Variants in INSR observed in about 807,000 individuals in gnomAD.
INSR encodes the protein insulin receptor, also known as IR.
INSR carries 67 observed loss-of-function variants against 142.6 expected under a neutral mutation model. The ratio of observed to expected loss-of-function variants is 0.47; its 90% CI spans 0.39 to 0.58. The LOEUF (loss-of-function observed/expected upper bound fraction) is 0.58. INSR is among the 20% of genes least tolerant of loss of function. The probability of loss-of-function intolerance (pLI) is 0.00; values close to 1 mark genes in which losing one functional copy is unlikely to be tolerated. For synonymous variants in INSR, 756 were observed against 743.1 expected (o/e 1.02, Z -0.28); for missense variants, 1,248 against 1,833.2 (o/e 0.68, Z 5.83).
chr19:7,221,378 A>AAGGAGGAGGAGGAGGAGGAGG (rs71177175), intron 2 of INSR, among the ~76,000 whole-genome samples: 14 of 140,056 alleles, frequency 1.0e-4, no homozygotes, highest in Non-Finnish European at 1.8e-4. Flanking sequence ...TGTCAAAAAA[A>AAGGAGGAGGAGGAGGAGGAGG]AGGAGGAGGA....
chr19:7,268,753 T>C, intron 1 of INSR: 3 of 290,098 alleles, frequency 1.0e-5, no homozygotes, highest in Non-Finnish European at 1.5e-5. Context: ...TTGTTCTTCT[T>C]GCTGTTGTTT....
chr19:7,187,810 G>A (rs1017218999), intron 2 of INSR, among the ~76,000 whole-genome samples: 2 of 151,946 alleles, frequency 1.3e-5, no homozygotes, highest in Admixed American at 6.6e-5. Context: ...TGGCTCAAGC[G>A]ATCCTCCCAC....
chr19:7,293,877 G>A lies in INSR; in HGVS notation c.15C>T (p.Gly5=). 2 of 1,235,720 alleles carry A rather than the reference G, an allele frequency of 1.6e-6. No individual in the cohort carries two copies. Among genetic ancestry groups the A allele is most frequent in the Non-Finnish European group, 2.0e-6 (2 of 995,332 alleles). The allele number at this position is 1,235,720 out of a possible 1,614,324, so 76.5% of individuals were successfully genotyped here. A position where few individuals can be genotyped will look rare whatever the true frequency, so the allele number is the denominator to read the frequency against. The part of the protein sequence containing the change: MATG[G]RRGAAAAPLL... ...GCGGCGCGGCCGCCGCCCCCCGCCGGCCCCCGGTGGCCATGGCTGCGGGAG... is the reference window on the plus strand; with the variant it reads ...GCGGCGCGGCCGCCGCCCCCCGCCGACCCCCGGTGGCCATGGCTGCGGGAG... Residue 5 remains glycine (G), a synonymous_variant, in exon 1 of 22, where the codon GGC becomes GGT. Coordinates refer to ENST00000302850, the MANE Select transcript of INSR (RefSeq NM_000208.4).
intron 2 of INSR, among the ~76,000 whole-genome samples, chr19:7,222,031 T>A (rs200630844): frequency 7.8e-6 from 1 of 127,702 alleles, no homozygotes; most frequent in Non-Finnish European, 1.7e-5. Flanking sequence ...CTCCTAGCAA[T>A]TTTTTCATTT....
At position 7,216,072 on chromosome 19, in the gene INSR, C is replaced by G. The variant is rs1361751967; in HGVS notation, c.653-31435G>C. 6.6e-6 allele frequency among the ~76,000 whole-genome samples: 1 copy of G among 151,378 alleles called. No individual in the cohort carries two copies. The highest frequency in any genetic ancestry group is 1.5e-5 in the Non-Finnish European group (1 of 67,890). ...GCACGGTGGCTCACGCCTATAATCC[C>G]AGCACTTTGGGAGGCCAAGGTGAGT... On this transcript the variant is annotated intron_variant, in intron 2 of 21. Coordinates refer to ENST00000302850, the MANE Select transcript of INSR (RefSeq NM_000208.4). The surrounding 1 kb of genome is among the most constrained non-coding windows in gnomAD (Gnocchi z 4.2).
intron 2 of INSR, among the ~76,000 whole-genome samples, chr19:7,188,870 C>CA (rs10549803): frequency 0.019 from 1,365 of 71,010 alleles, 16 homozygotes; most frequent in African/African-American, 0.032. Flanking sequence ...GACTCTATCT[C>CA]AAAAAAAAAA....
At chr19:7,245,197 A>C (rs10409259) in intron 2 of INSR, among the ~76,000 whole-genome samples, 7,666 of 152,028 alleles carry the variant, frequency 0.05, 497 homozygotes, top group African/African-American at 0.14. Context: ...CGGCCTCCCC[A>C]AGTGCTGGGA....
intron 3 of INSR, among the ~76,000 whole-genome samples, chr19:7,178,403 T>G (rs1974194494): frequency 1.3e-5 from 2 of 151,992 alleles, no homozygotes; most frequent in South Asian, 4.2e-4. Flanking sequence ...CAATCACGCC[T>G]AAGGAATGAG....
intron 13 of INSR, among the ~76,000 whole-genome samples, chr19:7,136,462 C>T (rs1972929683): frequency 6.6e-6 from 1 of 152,126 alleles, no homozygotes; most frequent in Non-Finnish European, 1.5e-5. Flanking sequence ...TAAACCTAGA[C>T]AACTGGTCAC....
rs535977373 is a variant in INSR, at chr19:7,158,480, G to A, written c.2029+4552C>T. Among the ~76,000 whole-genome samples the A allele has an allele frequency of 2.6e-5, 4 of 152,240 alleles. No individual in the cohort carries two copies. The East Asian group carries it at 7.7e-4, about 29-fold the overall frequency. On this transcript the variant is annotated intron_variant, in intron 9 of 21. Coordinates refer to ENST00000302850, the MANE Select transcript of INSR (RefSeq NM_000208.4). ...CACGCCACTGAACTCCAGCCTGGGTGACAGAGCGAGACTCCGTCTCAAAAA... is the reference window on the plus strand; with the variant it reads ...CACGCCACTGAACTCCAGCCTGGGTAACAGAGCGAGACTCCGTCTCAAAAA...
Position 7,192,269 on chromosome 19 carries a change from A to C in INSR, c.653-7632T>G, listed in dbSNP as rs1199277570. Among the ~76,000 whole-genome samples, 1 of 56,978 alleles carries C rather than the reference A, an allele frequency of 1.8e-5. No homozygotes were observed. The highest frequency in any genetic ancestry group is 7.1e-4 in the East Asian group (1 of 1,402). 37.4% of individuals were successfully genotyped at this position (56,978 alleles called of 152,430 possible). On this transcript the variant is annotated intron_variant, in intron 2 of 21. Transcript: ENST00000302850. This position sits in a 1 kb window ranked among gnomAD's most constrained non-coding sequence, Gnocchi z 4.2. ...GGAGGGAAGAAAAGAAAAGAAAAGAAAAGAAAAGAAAAGAAAAGAAAAGAA... is the reference window on the plus strand; with the variant it reads ...GGAGGGAAGAAAAGAAAAGAAAAGACAAGAAAAGAAAAGAAAAGAAAAGAA...
intron 3 of INSR, among the ~76,000 whole-genome samples, chr19:7,183,586 ACAC>A (rs1440361382): frequency 6.6e-6 from 1 of 152,102 alleles, no homozygotes; most frequent in Non-Finnish European, 1.5e-5. Flanking sequence ...TAATCTTGGC[ACAC>A]CACCAGGCTA....
intron 2 of INSR, among the ~76,000 whole-genome samples, chr19:7,249,536 G>C (rs1414058158): frequency 6.6e-6 from 1 of 152,040 alleles, no homozygotes; most frequent in Non-Finnish European, 1.5e-5. Context: ...CTCAAGTATG[G>C]ATCTCTAGAC....
intron 2 of INSR, among the ~76,000 whole-genome samples, chr19:7,235,439 A>T (rs12461206): frequency 1.3e-5 from 2 of 152,060 alleles, no homozygotes; most frequent in Non-Finnish European, 2.9e-5. Flanking sequence ...GATTCTGCAA[A>T]TATCCATGTG....
Position 7,125,598 on chromosome 19 carries a change from C to G in INSR, c.3014-71G>C. On this transcript the variant is annotated intron_variant, in intron 16 of 21. Transcript: ENST00000302850. This position sits in a 1 kb window ranked among gnomAD's most constrained non-coding sequence, Gnocchi z 4.9. ...GGTCTGCAGCCACCTTCCACCCAAG[C>G]CCTCACCCAAACCCCCTCGAAAACA... The G allele has an allele frequency of 1.9e-6, 3 of 1,593,100 alleles. No individual in the cohort carries two copies. The highest frequency in any genetic ancestry group is 2.6e-6 in the Non-Finnish European group (3 of 1,171,418).
intron 1 of INSR, among the ~76,000 whole-genome samples, chr19:7,282,943 A>G (rs971800557): frequency 9.2e-5 from 14 of 151,696 alleles, no homozygotes; most frequent in African/African-American, 2.9e-4. Context: ...ACTGCACTCC[A>G]GCCTGGGCGA....
rs527508713 is a variant in INSR, at chr19:7,263,251, C to T, written c.652+4094G>A. ...CTGAGATCACACCACTGCCCCCCAG[C>T]CTAGGTGGCAGAGCAAGACTCCATC... On this transcript the variant is annotated intron_variant, in intron 2 of 21. Coordinates refer to ENST00000302850, the MANE Select transcript of INSR (RefSeq NM_000208.4). Among the ~76,000 whole-genome samples the T allele has an allele frequency of 2.6e-5, 4 of 151,702 alleles. No homozygotes were observed. In the South Asian group the frequency reaches 8.3e-4, roughly 32 times the overall value.
chr19:7,112,935 G>C lies in INSR; in HGVS notation c.*4121C>G, dbSNP rs1972241384. The C allele has an allele frequency of 6.6e-6, 1 of 151,972 alleles. No individual in the cohort carries two copies. The highest frequency in any genetic ancestry group is 2.4e-5 in the African/African-American group (1 of 41,378). 9.4% of individuals were successfully genotyped at this position (151,972 alleles called of 1,614,324 possible). On this transcript the variant is annotated 3_prime_UTR_variant, in exon 22 of 22. Coordinates refer to ENST00000302850, the MANE Select transcript of INSR (RefSeq NM_000208.4). ...TATAAATTAATATTCTGAAGAACAT[G>C]CTGGAAGATTTTCTGAAGTGACACC...
In INSR at chr19:7,256,523, G is replaced by A. The variant is rs1397246453; in HGVS notation, c.652+10822C>T. 7.2e-5 allele frequency among the ~76,000 whole-genome samples: 11 copies of A among 152,086 alleles called. 1 individual carries two copies. The highest frequency in any genetic ancestry group is 1.2e-4 in the Non-Finnish European group (8 of 68,030). On this transcript the variant is annotated intron_variant, in intron 2 of 21. Transcript: ENST00000302850. The stretch of plus-strand genomic sequence containing the variant: ...CACCTATAATATAATGCAACAGTTT[G>A]GGAGGTTGAAGCAGGTGGATTGCTT...
Sources: gnomAD v4.1 joint callset for allele counts (sites outside exome capture counted in the v4.1 genomes callset) on GRCh38, gnomAD v4.1.1 for gene constraint, Gnocchi (gnomAD v3.1) non-coding constraint, MANE v1.5 for transcripts, NCBI Gene and HGNC (gene_info 2026-07-23, HGNC 2026-07-21) for gene names.